The following GPC5 variants were observed in gnomAD, a reference collection of about 807,000 sequenced individuals.
The protein encoded by GPC5 is glypican-5.
A neutral mutation model predicts 53.9 loss-of-function variants in GPC5; 47 were observed. The ratio of observed to expected loss-of-function variants is 0.87; its 90% CI spans 0.69 to 1.11. The LOEUF (loss-of-function observed/expected upper bound fraction) is 1.11. Ranked by LOEUF, GPC5 falls within the 50% of genes most tolerant of loss-of-function variation. The pLI is 0.00. For missense variants in GPC5, 748 were observed against 713.1 expected (o/e 1.05, Z -0.56); for synonymous variants, 286 against 263.3 (o/e 1.09, Z -0.84).
intron 7 of GPC5, among the ~76,000 whole-genome samples, chr13:92,526,100 A>G (rs1881271477): frequency 6.6e-6 from 1 of 152,144 alleles, no homozygotes; most frequent in African/African-American, 2.4e-5. Flanking sequence ...TCCCCATCAT[A>G]TAATATTCAT....
At chr13:92,163,077 T>C (rs1182089737) in intron 7 of GPC5, among the ~76,000 whole-genome samples, 7 of 152,096 alleles carry the variant, frequency 4.6e-5, no homozygotes, top group African/African-American at 1.7e-4. Flanking sequence ...AATGTATGAA[T>C]ATATGAATGA....
intron 7 of GPC5, among the ~76,000 whole-genome samples, chr13:92,569,792 A>G (rs1469061299): frequency 6.6e-6 from 1 of 152,148 alleles, no homozygotes; most frequent in Non-Finnish European, 1.5e-5. Context: ...TCTAAGACAC[A>G]TTAGTGTTTT....
intron 2 of GPC5, among the ~76,000 whole-genome samples, chr13:91,598,573 T>C (rs972366749): frequency 2.6e-5 from 4 of 152,088 alleles, no homozygotes; most frequent in African/African-American, 7.2e-5. Context: ...TATCCCTTGG[T>C]TCATTTCTAC....
At chr13:91,987,740 T>C (rs1184985660) in intron 6 of GPC5, among the ~76,000 whole-genome samples, 2 of 146,478 alleles carry the variant, frequency 1.4e-5, no homozygotes, top group South Asian at 2.1e-4. Flanking sequence ...ATAAATACTA[T>C]ATATAGTATT....
At chr13:91,436,095 T>G (rs1224866036) in intron 1 of GPC5, among the ~76,000 whole-genome samples, 1 of 152,196 alleles carries the variant, frequency 6.6e-6, no homozygotes, top group African/African-American at 2.4e-5. Flanking sequence ...TTATTAGTCT[T>G]GCTAGCAGTC....
chr13:92,528,571 A>T (rs990737554), intron 7 of GPC5, among the ~76,000 whole-genome samples: 1 of 151,984 alleles, frequency 6.6e-6, no homozygotes, highest in South Asian at 2.1e-4. Flanking sequence ...AATTTAAGTG[A>T]TTTATATAAA....
chr13:92,172,797 A>G (rs1370216318), intron 7 of GPC5, among the ~76,000 whole-genome samples: 1 of 152,042 alleles, frequency 6.6e-6, no homozygotes, highest in Non-Finnish European at 1.5e-5. Flanking sequence ...GTGCAACATG[A>G]TATCTGAAAC....
intron 6 of GPC5, among the ~76,000 whole-genome samples, chr13:91,978,335 C>T (rs193218492): frequency 1.3e-5 from 2 of 152,262 alleles, no homozygotes; most frequent in Non-Finnish European, 2.9e-5. Flanking sequence ...CTCATTGTAG[C>T]AATATTTATT....
chr13:91,442,666 T>C (rs1386368161), intron 1 of GPC5, among the ~76,000 whole-genome samples: 3 of 152,228 alleles, frequency 2.0e-5, no homozygotes, highest in Admixed American at 1.3e-4. Flanking sequence ...TTGTGTTTCT[T>C]CCAATTTGGC....
intron 7 of GPC5, among the ~76,000 whole-genome samples, chr13:92,589,496 A>G (rs76642612): frequency 6.6e-6 from 1 of 152,300 alleles, no homozygotes; most frequent in African/African-American, 2.4e-5. Flanking sequence ...TGATCAAATC[A>G]TGATTTCTTT....
At chr13:91,421,530 C>A (rs1243636340) in intron 1 of GPC5, among the ~76,000 whole-genome samples, 1 of 151,920 alleles carries the variant, frequency 6.6e-6, no homozygotes, top group Non-Finnish European at 1.5e-5. Flanking sequence ...AATGCAACAA[C>A]AAAAAAATCC....
intron 7 of GPC5, among the ~76,000 whole-genome samples, chr13:92,718,254 T>C (rs115615733): frequency 0.017 from 2,601 of 152,096 alleles, 79 homozygotes; most frequent in African/African-American, 0.06. Context: ...TGTACTACCA[T>C]GTTTAGTGCA....
At chr13:92,544,626 T>G (rs1006653266) in intron 7 of GPC5, among the ~76,000 whole-genome samples, 2 of 152,158 alleles carry the variant, frequency 1.3e-5, no homozygotes, top group Admixed American at 1.3e-4. Context: ...ATGAAGCAGC[T>G]GGCTCTTCCC....
chr13:92,133,534 A>T (rs1250999513), intron 6 of GPC5, among the ~76,000 whole-genome samples: 1 of 152,190 alleles, frequency 6.6e-6, no homozygotes, highest in Non-Finnish European at 1.5e-5. Flanking sequence ...CAAGGAGGCA[A>T]TGGAAATTTT....
chr13:92,595,674 A>G (rs1196518338), intron 7 of GPC5, among the ~76,000 whole-genome samples: 2 of 148,720 alleles, frequency 1.3e-5, no homozygotes, highest in Non-Finnish European at 3.0e-5. Flanking sequence ...AGGCTGAGGC[A>G]GGAGAATGGC....
intron 5 of GPC5, among the ~76,000 whole-genome samples, chr13:91,893,717 A>C (rs932777989): frequency 6.6e-6 from 1 of 152,106 alleles, no homozygotes; most frequent in Non-Finnish European, 1.5e-5. Flanking sequence ...GTGGACCAAC[A>C]TTTTAGATAC....
At chr13:92,666,598 A>G (rs955334312) in intron 7 of GPC5, among the ~76,000 whole-genome samples, 2 of 152,192 alleles carry the variant, frequency 1.3e-5, no homozygotes, top group Non-Finnish European at 2.9e-5. Flanking sequence ...TATACTTTGT[A>G]AGACAGGCAA....
intron 7 of GPC5, among the ~76,000 whole-genome samples, chr13:92,305,569 A>G (rs1289298332): frequency 6.6e-6 from 1 of 152,174 alleles, no homozygotes; most frequent in Non-Finnish European, 1.5e-5. Context: ...AAACTAACTG[A>G]ATTTCAACTT....
chr13:91,500,692 A>G (rs1195378201), intron 2 of GPC5, among the ~76,000 whole-genome samples: 1 of 152,148 alleles, frequency 6.6e-6, no homozygotes, highest in African/African-American at 2.4e-5. Flanking sequence ...AGGGCTTCTA[A>G]TCTCTACAGA....
Sources: gnomAD v4.1 joint callset for allele counts (sites outside exome capture counted in the v4.1 genomes callset) on GRCh38, gnomAD v4.1.1 for gene constraint, MANE v1.5 for transcripts, NCBI Gene and HGNC (gene_info 2026-07-23, HGNC 2026-07-21) for gene names.